Variants in EXT1 observed in about 807,000 individuals in gnomAD.
EXT1 encodes the protein exostosin glycosyltransferase 1, also known as exostosin-1.
EXT1 carries 20 observed loss-of-function variants against 82.5 expected under a neutral mutation model. The ratio of observed to expected loss-of-function variants is 0.24; its 90% CI spans 0.17 to 0.35. The LOEUF (loss-of-function observed/expected upper bound fraction) is 0.35. EXT1 is among the 10% of genes least tolerant of loss of function. The pLI, the probability that EXT1 is intolerant of heterozygous loss-of-function variation, is 1.00. For missense variants in EXT1, 757 were observed against 936.5 expected, an observed-to-expected ratio of 0.81 and a Z score of 2.50; for synonymous variants, 348 against 350.8, an observed-to-expected ratio of 0.99 and a Z score of 0.09.
At position 117,875,501 on chromosome 8, in the gene EXT1, C is replaced by T. The variant is rs114542355; in HGVS notation, c.963-38300G>A. Among the ~76,000 whole-genome samples the T allele has an allele frequency of 2.5e-3, 380 of 151,628 alleles. 1 individual carries two copies. The highest frequency in any genetic ancestry group is 9.0e-3 in the African/African-American group (371 of 41,368). On this transcript the variant is annotated intron_variant, in intron 1 of 10. Coordinates refer to ENST00000378204, the MANE Select transcript of EXT1 (RefSeq NM_000127.3). ...AGGTAGGGGATGGCAAAGGAAGAAG[C>T]CTTAGTATTTGCCCCTTCTAGCCTC...
intron 1 of EXT1, among the ~76,000 whole-genome samples, chr8:118,062,208 T>C (rs1402804329): frequency 6.6e-6 from 1 of 152,186 alleles, no homozygotes; most frequent in African/African-American, 2.4e-5. Context: ...ACAAACTCCA[T>C]GAAACAATCA....
intron 1 of EXT1, among the ~76,000 whole-genome samples, chr8:117,851,257 A>G (rs1812447276): frequency 6.6e-6 from 1 of 152,190 alleles, no homozygotes; most frequent in Non-Finnish European, 1.5e-5. Flanking sequence ...CACCAGGGGC[A>G]GAACCAAGAT....
chr8:117,930,361 T>G (rs572394500), intron 1 of EXT1, among the ~76,000 whole-genome samples: 2 of 151,732 alleles, frequency 1.3e-5, no homozygotes, highest in African/African-American at 4.8e-5. Flanking sequence ...CTTAAGCAAC[T>G]AAATGCAAAT....
chr8:117,986,773 C>T (rs896613069), intron 1 of EXT1, among the ~76,000 whole-genome samples: 3 of 152,112 alleles, frequency 2.0e-5, no homozygotes, highest in African/African-American at 7.2e-5. Context: ...AAACATTTGC[C>T]AAGTGTTGAT....
intron 1 of EXT1, among the ~76,000 whole-genome samples, chr8:117,910,903 A>G (rs906217472): frequency 6.6e-6 from 1 of 152,222 alleles, no homozygotes; most frequent in Non-Finnish European, 1.5e-5. Flanking sequence ...GGTACATGCA[A>G]TGTAACCACA....
intron 1 of EXT1, among the ~76,000 whole-genome samples, chr8:118,031,724 T>C (rs900429169): frequency 6.6e-6 from 1 of 152,000 alleles, no homozygotes; most frequent in Admixed American, 6.6e-5. Flanking sequence ...GGCTTATTTT[T>C]CATCTCCCTC....
chr8:117,906,954 G>C (rs1474130361), intron 1 of EXT1, among the ~76,000 whole-genome samples: 1 of 152,094 alleles, frequency 6.6e-6, no homozygotes, highest in Non-Finnish European at 1.5e-5. Context: ...TCCAAGCAGA[G>C]AAAGCAAACA....
In EXT1 at chr8:118,110,802, G is replaced by A. The variant is rs1038504618; in HGVS notation, c.245C>T (p.Pro82Leu). ...ENEDSSVHISPRQKRDANSSI... is the reference protein window; with the variant it reads ...ENEDSSVHISLRQKRDANSSI... Reference sequence around the variant, plus strand: ...GGAGTTGGCATCTCGCTTCTGCCGGGGGGAAATGTGCACGCTGGAATCCTC... The same window carrying A: ...GGAGTTGGCATCTCGCTTCTGCCGGAGGGAAATGTGCACGCTGGAATCCTC... Residue 82 changes from proline to leucine, a missense_variant, in exon 1 of 11, where the codon CCC becomes CTC. Transcript: ENST00000378204. The A allele has an allele frequency of 2.5e-6, 4 of 1,613,314 alleles. No individual in the cohort carries two copies. In the African/African-American group the frequency reaches 5.3e-5, roughly 22 times the overall value.
At chr8:117,840,717 A>G (rs891029232) in intron 1 of EXT1, among the ~76,000 whole-genome samples, 3 of 152,218 alleles carry the variant, frequency 2.0e-5, no homozygotes, top group Non-Finnish European at 2.9e-5. Flanking sequence ...TCAACAATAA[A>G]AAGATAAATA....
chr8:117,893,901 A>G (rs1373476771), intron 1 of EXT1, among the ~76,000 whole-genome samples: 2 of 152,188 alleles, frequency 1.3e-5, no homozygotes, highest in Admixed American at 6.5e-5. Flanking sequence ...CACGCTGGTT[A>G]TCTCACCAAA....
At chr8:117,835,880 C>A (rs1812181279) in intron 2 of EXT1, among the ~76,000 whole-genome samples, 1 of 152,166 alleles carries the variant, frequency 6.6e-6, no homozygotes, top group Admixed American at 6.5e-5. Context: ...AAAGCTCGCA[C>A]CAACAAAATC....
intron 1 of EXT1, among the ~76,000 whole-genome samples, chr8:117,866,931 T>C (rs112662848): frequency 3.3e-5 from 5 of 152,150 alleles, no homozygotes; most frequent in African/African-American, 1.2e-4. Flanking sequence ...TCAGTTTACT[T>C]TCCTTGCCTC....
At chr8:118,094,759 C>G (rs1817580250) in intron 1 of EXT1, among the ~76,000 whole-genome samples, 1 of 152,212 alleles carries the variant, frequency 6.6e-6, no homozygotes, top group Admixed American at 6.5e-5. Flanking sequence ...TATGTGTAAC[C>G]TCTAAGCAAT....
intron 1 of EXT1, among the ~76,000 whole-genome samples, chr8:118,090,411 C>G (rs766349432): frequency 4.6e-5 from 7 of 151,788 alleles, no homozygotes; most frequent in Non-Finnish European, 8.8e-5. Flanking sequence ...CAGAGCAAGA[C>G]CGTGTCTTGA....
At chr8:117,973,926 AAAGC>A (rs1310395270) in intron 1 of EXT1, among the ~76,000 whole-genome samples, 12 of 71,682 alleles carry the variant, frequency 1.7e-4, no homozygotes, top group East Asian at 1.4e-3. Flanking sequence ...AGAAAGGCAG[AAAGC>A]AAGGAAGGAA....
At chr8:118,025,492 C>A (rs891953846) in intron 1 of EXT1, among the ~76,000 whole-genome samples, 8 of 152,280 alleles carry the variant, frequency 5.3e-5, no homozygotes, top group African/African-American at 1.9e-4. Context: ...TGAAAGACAG[C>A]TGAAGGGAAA....
chr8:118,054,045 G>A (rs1468735948), intron 1 of EXT1, among the ~76,000 whole-genome samples: 1 of 152,146 alleles, frequency 6.6e-6, no homozygotes, highest in East Asian at 1.9e-4. Flanking sequence ...GTGGAGGCCA[G>A]GGATGCTGTT....
intron 1 of EXT1, among the ~76,000 whole-genome samples, chr8:118,006,164 G>A (rs1172369353): frequency 6.6e-6 from 1 of 152,116 alleles, no homozygotes; most frequent in Non-Finnish European, 1.5e-5. Context: ...TGCAGCCCAT[G>A]GTCCCAGACC....
At chr8:118,033,639 T>G (rs1816372017) in intron 1 of EXT1, among the ~76,000 whole-genome samples, 2 of 151,896 alleles carry the variant, frequency 1.3e-5, no homozygotes. Flanking sequence ...CCACCACACC[T>G]GGCTAATTTT....
Sources: allele counts gnomAD v4.1 joint callset (sites outside exome capture counted in the v4.1 genomes callset), GRCh38; gene constraint gnomAD v4.1.1; transcripts MANE v1.5; gene names NCBI Gene and HGNC (gene_info 2026-07-23, HGNC 2026-07-21).